CD151: variants seen among roughly 807,000 people sequenced by gnomAD.
CD151 encodes the protein CD151 antigen.
Under a neutral mutation model 34.2 loss-of-function variants are expected in CD151, and 20 were observed. That is an observed-to-expected ratio of 0.58 (90% confidence interval 0.41 to 0.85). The LOEUF is 0.85. Among genes scored for constraint, CD151 ranks in the 40% least tolerant of loss-of-function variants. CD151 has a pLI of 0.00. For missense variants in CD151, 306 were observed against 324.5 expected (o/e 0.94, Z 0.44); for synonymous variants, 157 against 131.7 (o/e 1.19, Z -1.32).
intron 2 of CD151, 106 bp downstream of exon 2, chr11:834,697 C>T (rs907381205): frequency 3.3e-5 from 5 of 152,610 alleles, no homozygotes; most frequent in Non-Finnish European, 5.9e-5. Context: ...TGTCTGCACC[C>T]CACGCCCTCC....
At chr11:837,714 C>A in intron 7 of CD151, 96 bp downstream of exon 7, 1 of 1,304,054 alleles carries the variant, frequency 7.7e-7, no homozygotes, top group Non-Finnish European at 1.1e-6. Context: ...CCTCCAATAT[C>A]TACCAGGAGG....
At position 838,773 on chromosome 11, in the gene CD151, C is replaced by A. The variant is rs1590211917; in HGVS notation, c.*581C>A. 2 of 164,014 alleles carry A rather than the reference C, an allele frequency of 1.2e-5. No individual in the cohort carries two copies. Among genetic ancestry groups the A allele is most frequent in the East Asian group, 3.5e-4 (2 of 5,734 alleles). The allele number at this position is 164,014 out of a possible 1,614,324, so 10.2% of individuals were successfully genotyped here. ...TCCTGGTTTTGTTCACTGCTGTACC[C>A]AGATGCCTACAACCATCCCTGCCAC... is the stretch of plus-strand genomic sequence containing the variant. On this transcript the variant is annotated 3_prime_UTR_variant, in exon 9 of 9. Transcript: ENST00000397420.
intron 5 of CD151, 70 bp downstream of exon 5, chr11:836,913 A>T (rs959355483): frequency 7.3e-7 from 1 of 1,368,132 alleles, no homozygotes; most frequent in Non-Finnish European, 1.0e-6. Flanking sequence ...ACACATGCAC[A>T]CGCGTGGCTA....
intron 7 of CD151, 77 bp downstream of exon 7, chr11:837,695 T>G: frequency 6.9e-7 from 1 of 1,454,086 alleles, no homozygotes; most frequent in Non-Finnish European, 9.5e-7. Context: ...CTGTGGGCAG[T>G]GGGACACGCC....
intron 1 of CD151, 104 bp downstream of exon 1, chr11:833,130 C>CGAGGGGGGCGAGGGGCGCGAGGGG (rs1846591696): frequency 4.0e-4 from 14 of 34,612 alleles, no homozygotes. Flanking sequence ...AGGCCCTGCG[C>CGAGGGGGGCGAGGGGCGCGAGGGG]GCCCCAGCCC....
In CD151 at chr11:836,129, G is replaced by A. The variant is rs1349013556; in HGVS notation, c.60G>A (p.Leu20=). ...TCGTVCLKYL[L]FTYNCCFWLA... Reference sequence around the variant, plus strand: ...GCACCGTTTGCCTCAAGTACCTGCTGTTTACCTACAATTGCTGCTTCTGGG... The same window carrying A: ...GCACCGTTTGCCTCAAGTACCTGCTATTTACCTACAATTGCTGCTTCTGGG... Residue 20 remains leucine, a synonymous_variant, in exon 3 of 9, where the codon CTG becomes CTA. Coordinates refer to ENST00000397420, the MANE Select transcript of CD151 (RefSeq NM_004357.5). The A allele has an allele frequency of 3.1e-6, 5 of 1,612,836 alleles. No homozygotes were observed. Among genetic ancestry groups the A allele is most frequent in the Non-Finnish European group, 3.4e-6 (4 of 1,179,816 alleles).
At chr11:833,728 A>AGAACCAG in intron 1 of CD151, among the ~76,000 whole-genome samples, 1 of 151,320 alleles carries the variant, frequency 6.6e-6, no homozygotes, top group African/African-American at 2.4e-5. Context: ...CCCAGAACCA[A>AGAACCAG]CTTCTCCAGA....
rs575667893 is a variant in CD151, at chr11:833,410, C to T, written c.-70+384C>T. On this transcript the variant is annotated intron_variant, in intron 1 of 8. Transcript: ENST00000397420. ...CAGTCTTCCCTCCGCCCGCAGCAGC[C>T]CCCGCCCGCGTGCAAGTGGGCGCGC... Among the ~76,000 whole-genome samples the T allele has an allele frequency of 2.5e-3, 379 of 152,320 alleles. 2 individuals carry two copies. The highest frequency in any genetic ancestry group is 4.1e-3 in the Non-Finnish European group (279 of 68,016).
In CD151 at chr11:838,659, C is replaced by T. The variant is rs974115277; in HGVS notation, c.*467C>T. ...CTCGTCTCCCTCGACAGCGCCCCTG[C>T]TGTCTTCCCCACCGCAGTCACCACC... On this transcript the variant is annotated 3_prime_UTR_variant, in exon 9 of 9. Transcript: ENST00000397420. The T allele has an allele frequency of 9.0e-6, 2 of 222,748 alleles. No individual in the cohort carries two copies. Among genetic ancestry groups the T allele is most frequent in the Admixed American group, 5.2e-5 (1 of 19,112 alleles). 13.8% of individuals were successfully genotyped at this position (222,748 alleles called of 1,614,324 possible).
At chr11:835,979 G>T in intron 2 of CD151, 84 bp from the exon 3 acceptor site, 1 of 801,582 alleles carries the variant, frequency 1.2e-6, no homozygotes, top group Non-Finnish European at 2.2e-6. Context: ...GAGCCACCGC[G>T]CCTGGCCCTG....
At chr11:833,622 C>CT (rs1365872924) in intron 1 of CD151, among the ~76,000 whole-genome samples, 1 of 152,206 alleles carries the variant, frequency 6.6e-6, no homozygotes, top group Non-Finnish European at 1.5e-5. Flanking sequence ...CTGGAAGGCC[C>CT]TTTCCCAGGG....
chr11:836,710 T>G, intron 4 of CD151, 59 bp from the exon 5 acceptor site: 1 of 1,528,238 alleles, frequency 6.5e-7, no homozygotes. Flanking sequence ...TGCTCTGAGG[T>G]GCACTAGGTC....
chr11:835,780 C>T (rs996785971), intron 2 of CD151: 35 of 363,190 alleles, frequency 9.6e-5, no homozygotes, highest in Non-Finnish European at 1.3e-4. Flanking sequence ...CTTCGCCTCC[C>T]GGGTTCACGC....
rs776463473 is a variant in CD151 at position 837,627 on chromosome 11, G to A, written c.615+9G>A. 6.2e-7 allele frequency: 1 copy of A among 1,610,432 alleles called. No homozygotes were observed. Among genetic ancestry groups the A allele is most frequent in the South Asian group, 1.1e-5 (1 of 90,958 alleles). ...ACATCTACAAGGTGGAGGTGGGTGTGCAGCGGGATCATGCCTCCAGTGTCT... is the reference window on the plus strand; with the variant it reads ...ACATCTACAAGGTGGAGGTGGGTGTACAGCGGGATCATGCCTCCAGTGTCT... On this transcript the variant is annotated intron_variant, in intron 7 of 8. Coordinates refer to ENST00000397420, the MANE Select transcript of CD151 (RefSeq NM_004357.5).
chr11:836,539 TGGG>T, intron 4 of CD151, 97 bp downstream of exon 4: 3 of 782,576 alleles, frequency 3.8e-6, no homozygotes, highest in Non-Finnish European at 6.0e-6. Flanking sequence ...TGTGCTCACC[TGGG>T]GGGGGGGTCA....
At chr11:838,059 G>T (rs746181850) in intron 8 of CD151, 31 bp downstream of exon 8, 8 of 1,610,472 alleles carry the variant, frequency 5.0e-6, no homozygotes, top group Non-Finnish European at 6.8e-6. Flanking sequence ...CGGTCATCTT[G>T]TTGGGGACAC....
chr11:837,501 C>T lies in CD151; in HGVS notation c.498C>T (p.Asp166=). 6.2e-7 allele frequency: 1 copy of T among 1,612,978 alleles called. No homozygotes were observed. The highest frequency in any genetic ancestry group is 8.5e-7 in the Non-Finnish European group (1 of 1,179,982). The part of the protein sequence containing the change: ...CGSNNSQDWR[D]SEWIRSQEAG... ...GCAACAACTCACAGGACTGGCGAGACAGTGAGTGGATCCGCTCACAGGAGG... is the reference window on the plus strand; with the variant it reads ...GCAACAACTCACAGGACTGGCGAGATAGTGAGTGGATCCGCTCACAGGAGG... The change falls in exon 7 of 9, where the codon GAC becomes GAT. Residue 166 remains aspartate (D), a synonymous_variant. Transcript: ENST00000397420.
chr11:836,896 GAC>G (rs1320795011), intron 5 of CD151, 53 bp downstream of exon 5: 28 of 1,508,408 alleles, frequency 1.9e-5, no homozygotes, highest in African/African-American at 2.7e-5. Context: ...AGGCGGGGCG[GAC>G]ACACACACAT....
At chr11:833,141 C>T (rs1469454827) in intron 1 of CD151, 115 bp downstream of exon 1, 12 of 56,502 alleles carry the variant, frequency 2.1e-4, no homozygotes, top group African/African-American at 5.7e-4. Flanking sequence ...GCCCCAGCCC[C>T]GGAGGCCCAG....
Sources: gnomAD v4.1 joint callset for allele counts (sites outside exome capture counted in the v4.1 genomes callset) on GRCh38, gnomAD v4.1.1 for gene constraint, MANE v1.5 for transcripts, NCBI Gene and HGNC (gene_info 2026-07-23, HGNC 2026-07-21) for gene names.